The following NKAIN3 variants were observed in gnomAD, a reference collection of about 807,000 sequenced individuals.
NKAIN3 encodes sodium/potassium-transporting ATPase subunit beta-1-interacting protein 3.
In NKAIN3, 25 loss-of-function variants were observed where a neutral mutation model predicts 30.2. That is an observed-to-expected ratio of 0.83 (90% CI 0.60 to 1.16). The LOEUF (loss-of-function observed/expected upper bound fraction) is 1.16. NKAIN3 is among the 50% of genes most tolerant of loss of function. NKAIN3 has a pLI of 0.00. For synonymous variants in NKAIN3, 91 were observed against 89.6 expected (o/e 1.02, Z -0.09); for missense variants, 225 against 254.1 (o/e 0.89, Z 0.78).
chr8:62,617,135 T>G (rs571003515), intron 3 of NKAIN3, among the ~76,000 whole-genome samples: 1 of 152,262 alleles, frequency 6.6e-6, no homozygotes, highest in South Asian at 2.1e-4. Context: ...AGAAGCTGAG[T>G]AAATGCAAGT....
chr8:62,574,596 C>T (rs1810049366), intron 1 of NKAIN3, among the ~76,000 whole-genome samples: 1 of 152,050 alleles, frequency 6.6e-6, no homozygotes, highest in Non-Finnish European at 1.5e-5. Context: ...AATGGAACAG[C>T]ATAAAGAACC....
At chr8:62,679,533 A>G (rs2130412862) in intron 3 of NKAIN3, among the ~76,000 whole-genome samples, 1 of 152,326 alleles carries the variant, frequency 6.6e-6, no homozygotes, top group Non-Finnish European at 1.5e-5. Flanking sequence ...TATAAAGAAA[A>G]GGGATTTAAT....
intron 3 of NKAIN3, among the ~76,000 whole-genome samples, chr8:62,726,462 A>G (rs1228084378): frequency 6.6e-6 from 1 of 152,006 alleles, no homozygotes; most frequent in Non-Finnish European, 1.5e-5. Context: ...ACGTTGACGT[A>G]TGTTTCTTCT....
In NKAIN3 at chr8:62,248,926, G is replaced by C; in HGVS notation, c.-148G>C. On this transcript the variant is annotated 5_prime_UTR_variant, in exon 1 of 7. Transcript: ENST00000623646. ...CCGGGAAACTAACAAAGGCGGGCGC[G>C]AGCCCCGAGCCCTGGAGCCGCGAGC... 1 of 640,980 alleles carries C rather than the reference G, an allele frequency of 1.6e-6. No homozygotes were observed. The highest frequency in any genetic ancestry group is 2.5e-6 in the Non-Finnish European group (1 of 399,008). The allele number at this position is 640,980 out of a possible 1,614,324, so 39.7% of individuals were successfully genotyped here.
At chr8:62,335,614 C>A (rs2129590418) in intron 1 of NKAIN3, among the ~76,000 whole-genome samples, 1 of 151,982 alleles carries the variant, frequency 6.6e-6, no homozygotes, top group South Asian at 2.1e-4. Flanking sequence ...GCCCTCCCCA[C>A]AACATATAAT....
chr8:62,571,755 A>G (rs927292287), intron 1 of NKAIN3, among the ~76,000 whole-genome samples: 2 of 152,300 alleles, frequency 1.3e-5, no homozygotes, highest in Admixed American at 1.3e-4. Flanking sequence ...GGAAGCTGTC[A>G]AGGCTTGGGG....
At chr8:62,759,508 G>A (rs1378829424) in intron 4 of NKAIN3, among the ~76,000 whole-genome samples, 1 of 152,076 alleles carries the variant, frequency 6.6e-6, no homozygotes, top group Non-Finnish European at 1.5e-5. Context: ...GCCTGAGCTA[G>A]AATAGCATGA....
At chr8:62,639,495 A>C (rs903462034) in intron 3 of NKAIN3, among the ~76,000 whole-genome samples, 1 of 152,218 alleles carries the variant, frequency 6.6e-6, no homozygotes, top group Admixed American at 6.5e-5. Context: ...AGAGTTGTAC[A>C]GAAAAGAGCT....
At chr8:62,938,263 G>A (rs1289054424) in intron 5 of NKAIN3, among the ~76,000 whole-genome samples, 1 of 152,004 alleles carries the variant, frequency 6.6e-6, no homozygotes, top group African/African-American at 2.4e-5. Flanking sequence ...CGTCTTGAAA[G>A]CATCACCTCC....
chr8:62,852,071 A>G (rs1819923475), intron 4 of NKAIN3, among the ~76,000 whole-genome samples: 1 of 152,174 alleles, frequency 6.6e-6, no homozygotes, highest in Non-Finnish European at 1.5e-5. Context: ...TTCAGCTGTG[A>G]ATCCATCTGG....
At chr8:62,582,369 A>C (rs1453291058) in intron 2 of NKAIN3, among the ~76,000 whole-genome samples, 1 of 152,130 alleles carries the variant, frequency 6.6e-6, no homozygotes, top group African/African-American at 2.4e-5. Flanking sequence ...CAATGAAGAG[A>C]GGTGTGCCTT....
intron 1 of NKAIN3, among the ~76,000 whole-genome samples, chr8:62,412,400 TG>T (rs1804267870): frequency 6.6e-6 from 1 of 152,134 alleles, no homozygotes. Flanking sequence ...AGATTGAAGC[TG>T]GACCCCTACC....
intron 4 of NKAIN3, among the ~76,000 whole-genome samples, chr8:62,898,799 C>G (rs997557572): frequency 6.7e-6 from 1 of 148,364 alleles, no homozygotes; most frequent in Non-Finnish European, 1.5e-5. Context: ...AGATGATGTA[C>G]AGAATGGGAG....
chr8:62,360,548 T>C (rs1245264175), intron 1 of NKAIN3, among the ~76,000 whole-genome samples: 1 of 152,324 alleles, frequency 6.6e-6, no homozygotes, highest in African/African-American at 2.4e-5. Flanking sequence ...AATTAGTTCA[T>C]TTTAAGTCTC....
intron 3 of NKAIN3, among the ~76,000 whole-genome samples, chr8:62,679,766 A>T (rs1226836795): frequency 6.6e-6 from 1 of 152,160 alleles, no homozygotes; most frequent in Non-Finnish European, 1.5e-5. Flanking sequence ...GGGTGGTGTT[A>T]AACCATTCAT....
chr8:62,919,242 T>TTTTTTTTTTG (rs1822203057), intron 5 of NKAIN3, among the ~76,000 whole-genome samples: 1 of 100,514 alleles, frequency 9.9e-6, no homozygotes, highest in African/African-American at 4.0e-5. Context: ...TTTTTTTTTT[T>TTTTTTTTTTG]TTTTTTTTTT....
rs180698870 is a variant in NKAIN3, at chr8:62,478,026, A to G, written c.55-101513A>G. On this transcript the variant is annotated intron_variant, in intron 1 of 6. Coordinates refer to ENST00000623646, the MANE Select transcript of NKAIN3 (RefSeq NM_001304533.3). ...CACTTCCGTCTGTTCTTAAAAGGGC[A>G]CTAATCCCATCAGAAGTTCTCCCCA... is the stretch of plus-strand genomic sequence containing the variant. Among the ~76,000 whole-genome samples, 265 of 152,322 alleles carry G rather than the reference A, an allele frequency of 1.7e-3. 1 individual carries two copies. The highest frequency in any genetic ancestry group is 6.1e-3 in the African/African-American group (254 of 41,582).
chr8:62,575,624 T>G (rs978363215), intron 1 of NKAIN3, among the ~76,000 whole-genome samples: 1 of 152,072 alleles, frequency 6.6e-6, no homozygotes, highest in Non-Finnish European at 1.5e-5. Flanking sequence ...TCTTAAAATT[T>G]ATATGTAGTC....
intron 5 of NKAIN3, among the ~76,000 whole-genome samples, chr8:62,948,772 T>A (rs751696478): frequency 2.6e-5 from 4 of 152,226 alleles, no homozygotes; most frequent in Non-Finnish European, 4.4e-5. Context: ...AATGTCTAGA[T>A]GATAAAAGAA....
Sources: gnomAD v4.1 joint callset for allele counts (sites outside exome capture counted in the v4.1 genomes callset) on GRCh38, gnomAD v4.1.1 for gene constraint, MANE v1.5 for transcripts, NCBI Gene and HGNC (gene_info 2026-07-23, HGNC 2026-07-21) for gene names.